The following DCDC1 variants were observed in gnomAD, a reference collection of about 807,000 sequenced individuals.
The protein encoded by DCDC1 is doublecortin domain containing 1, also known as doublecortin domain-containing protein 1.
In DCDC1, 200 loss-of-function variants were observed where a neutral mutation model predicts 178.3. The observed-to-expected ratio is 1.12, with a 90% confidence interval of 1.00 to 1.26. DCDC1 has a LOEUF of 1.26. DCDC1 is among the 50% of genes most tolerant of loss of function. The pLI is 0.00. For missense variants in DCDC1, 1,983 were observed against 1,749.2 expected (o/e 1.13, Z -2.38); for synonymous variants, 690 against 604.8 (o/e 1.14, Z -2.07).
chr11:30,985,850 A>G (rs1225527126), intron 20 of DCDC1, among the ~76,000 whole-genome samples: 1 of 152,210 alleles, frequency 6.6e-6, no homozygotes, highest in Non-Finnish European at 1.5e-5. Context: ...TCCAAAACTA[A>G]ATTATGACAA....
In DCDC1 at chr11:30,959,108, T is replaced by C. The variant is rs562265079; in HGVS notation, c.2592-6540A>G. Among the ~76,000 whole-genome samples, 3 of 152,212 alleles carry C rather than the reference T, an allele frequency of 2.0e-5. No homozygotes were observed. The South Asian group carries it at 6.2e-4, about 32-fold the overall frequency. On this transcript the variant is annotated intron_variant, in intron 20 of 38. Coordinates refer to ENST00000684477, the MANE Select transcript of DCDC1 (RefSeq NM_001387274.1). ...TAAAATTGATGGAAGAGGAGGAAGTTGATGCCTTCCAATCAGAGTCTTAGG... is the reference window on the plus strand; with the variant it reads ...TAAAATTGATGGAAGAGGAGGAAGTCGATGCCTTCCAATCAGAGTCTTAGG...
intron 20 of DCDC1, among the ~76,000 whole-genome samples, chr11:31,047,382 C>CAG (rs1343788801): frequency 6.6e-6 from 1 of 152,016 alleles, no homozygotes; most frequent in Non-Finnish European, 1.5e-5. Context: ...GTAACTACAA[C>CAG]AGCCAGATAT....
At chr11:30,898,270 TTCAGAATG>T (rs1944386587) in intron 34 of DCDC1, among the ~76,000 whole-genome samples, 2 of 152,182 alleles carry the variant, frequency 1.3e-5, no homozygotes, top group African/African-American at 4.8e-5. Context: ...TAACTTCAAC[TTCAGAATG>T]TCACCATTAT....
In DCDC1 at chr11:30,908,844, T is replaced by C. The variant is rs1048782169; in HGVS notation, c.3918+102A>G. 1.2e-5 allele frequency: 12 copies of C among 998,482 alleles called. No homozygotes were observed. The African/African-American group carries it at 2.0e-4, about 17-fold the overall frequency. The allele number at this position is 998,482 out of a possible 1,614,324, so 61.9% of individuals were successfully genotyped here. A position where few individuals can be genotyped will look rare whatever the true frequency, so the allele number is the denominator to read the frequency against. ...CACTCAAAAATCAGCATTCAACTTGTATGAACATAAAGTTTTCTAGGGAAA... is the reference window on the plus strand; with the variant it reads ...CACTCAAAAATCAGCATTCAACTTGCATGAACATAAAGTTTTCTAGGGAAA... On this transcript the variant is annotated intron_variant, in intron 29 of 38. Transcript: ENST00000684477.
rs10552471 is a variant in DCDC1, at chr11:31,341,382, T to TATAGATAG, written c.-124-5826_-124-5819dup. The stretch of plus-strand genomic sequence containing the variant: ...TGGTTAAGAATGGAAATTCCAGTTT[T>TATAGATAG]ATAGATAGATAGATAGATAGATAGA... On this transcript the variant is annotated intron_variant, in intron 1 of 38. Coordinates refer to ENST00000684477, the MANE Select transcript of DCDC1 (RefSeq NM_001387274.1). 4.8e-3 allele frequency among the ~76,000 whole-genome samples: 652 copies of TATAGATAG among 134,784 alleles called. 1 individual carries two copies. The highest frequency in any genetic ancestry group is 0.012 in the Middle Eastern group (3 of 258). The allele number at this position is 134,784 out of a possible 152,430, so 88.4% of individuals were successfully genotyped here. A position where few individuals can be genotyped will look rare whatever the true frequency, so the allele number is the denominator to read the frequency against.
At chr11:31,207,503 C>A (rs1370255221) in intron 9 of DCDC1, among the ~76,000 whole-genome samples, 2 of 152,104 alleles carry the variant, frequency 1.3e-5, no homozygotes, top group African/African-American at 4.8e-5. Flanking sequence ...CTTCTCTCCG[C>A]CCATTTTACC....
At chr11:31,356,258 A>C (rs980880267) in intron 1 of DCDC1, among the ~76,000 whole-genome samples, 2 of 152,224 alleles carry the variant, frequency 1.3e-5, no homozygotes, top group South Asian at 2.1e-4. Context: ...TAGCTAAAGA[A>C]ACTAGAACTC....
chr11:31,303,188 C>T (rs1948226607), intron 6 of DCDC1, among the ~76,000 whole-genome samples: 1 of 152,138 alleles, frequency 6.6e-6, no homozygotes, highest in African/African-American at 2.4e-5. Flanking sequence ...CTATGAACCA[C>T]AGCTTTTATC....
intron 9 of DCDC1, among the ~76,000 whole-genome samples, chr11:31,213,645 G>T (rs528940891): frequency 6.6e-6 from 1 of 151,660 alleles, no homozygotes; most frequent in Admixed American, 6.6e-5. Context: ...ACTTAAACCC[G>T]GGAGATGGAG....
At chr11:31,294,799 AAAGAAAGAAAG>A (rs1947524645) in intron 6 of DCDC1, among the ~76,000 whole-genome samples, 1 of 4,084 alleles carries the variant, frequency 2.4e-4, no homozygotes, top group African/African-American at 9.1e-4. Context: ...AAATAAAGAA[AAAGAAAGAAAG>A]AAAGAAAGAA....
At chr11:31,165,025 A>G (rs1200278990) in intron 9 of DCDC1, among the ~76,000 whole-genome samples, 1 of 152,222 alleles carries the variant, frequency 6.6e-6, no homozygotes, top group East Asian at 1.9e-4. Context: ...AGTATTCAGT[A>G]AAGTAATATG....
intron 9 of DCDC1, among the ~76,000 whole-genome samples, chr11:31,212,293 T>C (rs1273762153): frequency 6.6e-6 from 1 of 152,092 alleles, no homozygotes; most frequent in Non-Finnish European, 1.5e-5. Flanking sequence ...AAATTTTGTT[T>C]TTCCTGATTA....
intron 9 of DCDC1, among the ~76,000 whole-genome samples, chr11:31,147,261 T>C (rs761092260): frequency 6.6e-6 from 1 of 152,192 alleles, no homozygotes; most frequent in Non-Finnish European, 1.5e-5. Flanking sequence ...ACAGACAGAG[T>C]CCTACTCTTA....
intron 6 of DCDC1, among the ~76,000 whole-genome samples, chr11:31,295,105 T>C (rs890902197): frequency 3.9e-5 from 6 of 152,328 alleles, no homozygotes; most frequent in East Asian, 3.9e-4. Flanking sequence ...TTATATAAAA[T>C]GTAGTAGTAT....
intron 36 of DCDC1, among the ~76,000 whole-genome samples, chr11:30,890,872 C>T (rs1282487103): frequency 6.6e-6 from 1 of 152,110 alleles, no homozygotes; most frequent in African/African-American, 2.4e-5. Flanking sequence ...CTATATAATT[C>T]ATTTAATCAA....
intron 36 of DCDC1, among the ~76,000 whole-genome samples, chr11:30,890,603 T>C (rs1404927445): frequency 2.6e-5 from 4 of 152,142 alleles, no homozygotes. Context: ...CATACAACTT[T>C]TCCTTATTAA....
chr11:30,881,589 T>C (rs1292395434), intron 36 of DCDC1, among the ~76,000 whole-genome samples: 1 of 152,172 alleles, frequency 6.6e-6, no homozygotes, highest in Non-Finnish European at 1.5e-5. Flanking sequence ...TTCCTAAATA[T>C]GATAAAAACT....
intron 9 of DCDC1, among the ~76,000 whole-genome samples, chr11:31,213,112 T>TCTCC (rs1972884376): frequency 2.3e-5 from 1 of 44,308 alleles, no homozygotes; most frequent in East Asian, 5.1e-4. Context: ...TCTCTCTCTC[T>TCTCC]CTCTCTCTCT....
At chr11:31,160,403 T>C (rs1237216751) in intron 9 of DCDC1, among the ~76,000 whole-genome samples, 1 of 152,208 alleles carries the variant, frequency 6.6e-6, no homozygotes, top group Non-Finnish European at 1.5e-5. Flanking sequence ...CTTTATGCTA[T>C]ATAAATGTTA....
Sources: gnomAD v4.1 joint callset for allele counts (sites outside exome capture counted in the v4.1 genomes callset) on GRCh38, gnomAD v4.1.1 for gene constraint, MANE v1.5 for transcripts, NCBI Gene and HGNC (gene_info 2026-07-23, HGNC 2026-07-21) for gene names.